Variants in PKHD1 observed in about 807,000 individuals in gnomAD.
PKHD1 encodes the protein PKHD1 ciliary IPT domain containing fibrocystin/polyductin, also known as fibrocystin.
PKHD1 carries 291 observed loss-of-function variants against 412.0 expected under a neutral mutation model. The ratio of observed to expected loss-of-function variants is 0.71; its 90% CI spans 0.64 to 0.78. The LOEUF is 0.78. Ranked by LOEUF, PKHD1 falls within the 30% of genes least tolerant of loss-of-function variation. PKHD1 has a pLI of 0.00. For synonymous variants in PKHD1, 1,777 were observed against 1,821.5 expected (o/e 0.98, Z 0.62); for missense variants, 4,825 against 4,950.7 (o/e 0.97, Z 0.76).
At chr6:51,739,618 A>G (rs1412264296) in intron 60 of PKHD1, among the ~76,000 whole-genome samples, 1 of 152,224 alleles carries the variant, frequency 6.6e-6, no homozygotes, top group Non-Finnish European at 1.5e-5. Context: ...GTTTGATGGC[A>G]GCAGAAATGT....
chr6:52,082,293 G>T, intron 4 of PKHD1, 99 bp downstream of exon 4: 1 of 1,201,006 alleles, frequency 8.3e-7, no homozygotes, highest in Non-Finnish European at 1.2e-6. Flanking sequence ...GCTGGCAATT[G>T]AATCACAGCA....
chr6:51,799,758 G>A (rs1161550197), intron 52 of PKHD1, among the ~76,000 whole-genome samples: 1 of 152,156 alleles, frequency 6.6e-6, no homozygotes, highest in Non-Finnish European at 1.5e-5. Context: ...TTTGAGGAGT[G>A]GAAAGCTGGC....
intron 65 of PKHD1, among the ~76,000 whole-genome samples, chr6:51,630,426 C>T (rs1767785858): frequency 6.6e-6 from 1 of 152,148 alleles, no homozygotes. Context: ...CTTTTCACTA[C>T]ATATTTTTTG....
intron 18 of PKHD1, among the ~76,000 whole-genome samples, chr6:52,056,119 AAGCTCC>A (rs1426294423): frequency 6.6e-6 from 1 of 152,126 alleles, no homozygotes; most frequent in Non-Finnish European, 1.5e-5. Flanking sequence ...CCTGGCTTGA[AAGCTCC>A]AGCTATAAGA....
chr6:52,072,069 G>T, intron 8 of PKHD1, 46 bp downstream of exon 8: 2 of 1,073,758 alleles, frequency 1.9e-6, no homozygotes, highest in South Asian at 1.2e-5. Flanking sequence ...TATCCATGTG[G>T]ACGAACTTAC....
intron 60 of PKHD1, among the ~76,000 whole-genome samples, chr6:51,714,369 C>CA (rs11288874): frequency 5.8e-4 from 87 of 149,836 alleles, no homozygotes; most frequent in Non-Finnish European, 1.1e-3. Flanking sequence ...GACTCCATTT[C>CA]AAAAAAAAAA....
At chr6:51,804,983 G>C (rs1426563007) in intron 52 of PKHD1, among the ~76,000 whole-genome samples, 1 of 152,098 alleles carries the variant, frequency 6.6e-6, no homozygotes, top group Non-Finnish European at 1.5e-5. Context: ...ATTTCTCAAA[G>C]AACTAAAAAT....
In PKHD1 at chr6:52,076,245, A is replaced by G. The variant is rs760979377; in HGVS notation, c.448+31T>C. Reference sequence around the variant, plus strand: ...ACAAGCTTTGGCAAACAGATTCACAATTATTCCTATTTTAATAGAAGATTT... The same window carrying G: ...ACAAGCTTTGGCAAACAGATTCACAGTTATTCCTATTTTAATAGAAGATTT... On this transcript the variant is annotated intron_variant, in intron 6 of 66. Coordinates refer to ENST00000371117, the MANE Select transcript of PKHD1 (RefSeq NM_138694.4). 1 of 1,498,086 alleles carries G rather than the reference A, an allele frequency of 6.7e-7. No homozygotes were observed. The highest frequency in any genetic ancestry group is 9.3e-7 in the Non-Finnish European group (1 of 1,074,224). The allele number at this position is 1,498,086 out of a possible 1,614,324, so 92.8% of individuals were successfully genotyped here.
chr6:51,972,909 A>C (rs766391186), intron 35 of PKHD1, among the ~76,000 whole-genome samples: 2 of 152,228 alleles, frequency 1.3e-5, no homozygotes, highest in Non-Finnish European at 2.9e-5. Flanking sequence ...GAGGAAATAG[A>C]TCCAGAGATT....
At chr6:51,700,972 T>A (rs1445958902) in intron 60 of PKHD1, among the ~76,000 whole-genome samples, 1 of 152,158 alleles carries the variant, frequency 6.6e-6, no homozygotes, top group Non-Finnish European at 1.5e-5. Context: ...AAACAAAGAT[T>A]AAATTCTTGA....
At chr6:52,011,570 T>C (rs766490941) in intron 34 of PKHD1, among the ~76,000 whole-genome samples, 10 of 152,170 alleles carry the variant, frequency 6.6e-5, no homozygotes, top group African/African-American at 2.2e-4. Context: ...GCAGATCCCA[T>C]GGGAAGACCA....
chr6:51,898,745 C>G (rs1045913243), intron 43 of PKHD1, among the ~76,000 whole-genome samples: 44 of 132,584 alleles, frequency 3.3e-4, no homozygotes, highest in African/African-American at 1.3e-3. Flanking sequence ...TTGAAAGGAT[C>G]AACAAAATAG....
At chr6:51,719,232 A>C (rs1781622999) in intron 60 of PKHD1, among the ~76,000 whole-genome samples, 1 of 152,062 alleles carries the variant, frequency 6.6e-6, no homozygotes, top group South Asian at 2.1e-4. Context: ...TTCTTGAGAC[A>C]GGGTCTCACT....
At chr6:51,863,142 T>C (rs568905938) in intron 48 of PKHD1, among the ~76,000 whole-genome samples, 4 of 152,314 alleles carry the variant, frequency 2.6e-5, no homozygotes, top group African/African-American at 9.6e-5. Context: ...TAAAGTAACT[T>C]GTGCAAAGAA....
chr6:51,747,002 G>T, intron 58 of PKHD1, 113 bp from the exon 59 acceptor site: 3 of 689,756 alleles, frequency 4.3e-6, no homozygotes, highest in Non-Finnish European at 7.3e-6. Context: ...GTTAGTTAAA[G>T]CTATCCAGGA....
chr6:51,846,630 C>T (rs1430035298), intron 50 of PKHD1, among the ~76,000 whole-genome samples: 1 of 152,068 alleles, frequency 6.6e-6, no homozygotes, highest in Non-Finnish European at 1.5e-5. Flanking sequence ...GTGGATGGTC[C>T]TGACACACTG....
chr6:51,782,373 G>T (rs941211601), intron 53 of PKHD1, among the ~76,000 whole-genome samples: 9 of 152,060 alleles, frequency 5.9e-5, no homozygotes, highest in Non-Finnish European at 1.3e-4. Flanking sequence ...ATATCATTTT[G>T]AAATAAGTAT....
chr6:52,007,274 C>T (rs1799209536), intron 35 of PKHD1, among the ~76,000 whole-genome samples: 1 of 152,132 alleles, frequency 6.6e-6, no homozygotes, highest in African/African-American at 2.4e-5. Context: ...ACACTGTTAT[C>T]CATAGTGATT....
chr6:51,697,485 A>T (rs917829068), intron 60 of PKHD1, among the ~76,000 whole-genome samples: 2 of 152,184 alleles, frequency 1.3e-5, no homozygotes, highest in African/African-American at 4.8e-5. Context: ...CAACCTTGGC[A>T]CTTTTGAGAT....
Sources: allele counts gnomAD v4.1 joint callset (sites outside exome capture counted in the v4.1 genomes callset), GRCh38; gene constraint gnomAD v4.1.1; transcripts MANE v1.5; gene names NCBI Gene and HGNC (gene_info 2026-07-23, HGNC 2026-07-21).